ERBB4: variants seen among roughly 807,000 people sequenced by gnomAD.
ERBB4 encodes the protein erb-b2 receptor tyrosine kinase 4, also known as receptor tyrosine-protein kinase erbB-4.
ERBB4 carries 42 observed loss-of-function variants against 158.0 expected under a neutral mutation model. The ratio of observed to expected loss-of-function variants is 0.27; its 90% CI spans 0.21 to 0.34. The LOEUF (loss-of-function observed/expected upper bound fraction) is 0.34, where lower values mean the gene tolerates loss of function less well. Among genes scored for constraint, ERBB4 ranks in the 10% least tolerant of loss-of-function variants. The probability of loss-of-function intolerance (pLI) is 1.00; values close to 1 mark genes in which losing one functional copy is unlikely to be tolerated. For missense variants in ERBB4, 1,333 were observed against 1,624.1 expected (o/e 0.82, Z 3.08); for synonymous variants, 583 against 558.7 (o/e 1.04, Z -0.61).
intron 5 of ERBB4, among the ~76,000 whole-genome samples, chr2:211,739,699 G>C (rs2074725812): frequency 6.6e-6 from 1 of 152,160 alleles, no homozygotes; most frequent in Non-Finnish European, 1.5e-5. Context: ...TCGATCTCTT[G>C]ACCACGTGAT....
intron 1 of ERBB4, among the ~76,000 whole-genome samples, chr2:212,330,016 T>G (rs957218171): frequency 2.0e-5 from 3 of 151,984 alleles, no homozygotes; most frequent in Non-Finnish European, 4.4e-5. Flanking sequence ...CCAGTAACCT[T>G]TTCCAAAAAG....
chr2:211,928,762 A>G (rs2080088421), intron 3 of ERBB4, among the ~76,000 whole-genome samples: 1 of 152,206 alleles, frequency 6.6e-6, no homozygotes, highest in Non-Finnish European at 1.5e-5. Context: ...TACTTGAGTC[A>G]CTTATAGAAA....
At chr2:211,988,908 C>T (rs183205208) in intron 2 of ERBB4, among the ~76,000 whole-genome samples, 220 of 152,110 alleles carry the variant, frequency 1.4e-3, no homozygotes, top group Admixed American at 3.5e-3. Flanking sequence ...TAAAATTGTT[C>T]TGGCTTATTT....
At chr2:211,812,313 C>T (rs1318828879) in intron 3 of ERBB4, among the ~76,000 whole-genome samples, 1 of 152,178 alleles carries the variant, frequency 6.6e-6, no homozygotes, top group African/African-American at 2.4e-5. Flanking sequence ...GCTGGAGGTC[C>T]ACTCCAGACT....
intron 16 of ERBB4, among the ~76,000 whole-genome samples, chr2:211,646,059 C>T (rs1349302668): frequency 6.6e-6 from 1 of 151,390 alleles, no homozygotes; most frequent in East Asian, 1.9e-4. Context: ...GGGGTAATGT[C>T]TGTTGATCTG....
chr2:211,583,403 A>T (rs2068161592), intron 19 of ERBB4, among the ~76,000 whole-genome samples: 1 of 151,954 alleles, frequency 6.6e-6, no homozygotes, highest in Non-Finnish European at 1.5e-5. Context: ...TTAATTGTTC[A>T]AAATACTAGA....
Position 211,861,119 on chromosome 2 carries a change from ATATTT to A in ERBB4, c.422-72965_422-72961del, listed in dbSNP as rs1389678279. Among the ~76,000 whole-genome samples the A allele has an allele frequency of 4.6e-3, 106 of 22,888 alleles. 1 individual carries two copies. Among genetic ancestry groups the A allele is most frequent in the South Asian group, 0.012 (8 of 694 alleles). 15.0% of individuals were successfully genotyped at this position (22,888 alleles called of 152,430 possible). Reference sequence around the variant, plus strand: ...AAATACATTATATATATTTATATATATATTTTATATATATATATATATATATATAT... The same window carrying A: ...AAATACATTATATATATTTATATATATATATATATATATATATATATATAT... On this transcript the variant is annotated intron_variant, in intron 3 of 27. Coordinates refer to ENST00000342788, the MANE Select transcript of ERBB4 (RefSeq NM_005235.3).
intron 20 of ERBB4, among the ~76,000 whole-genome samples, chr2:211,478,318 T>A (rs1431289080): frequency 6.6e-6 from 1 of 152,178 alleles, no homozygotes; most frequent in African/African-American, 2.4e-5. Flanking sequence ...AGCTTCGGGA[T>A]GGTATGAAGA....
intron 2 of ERBB4, among the ~76,000 whole-genome samples, chr2:211,950,283 A>G (rs748661547): frequency 3.9e-5 from 6 of 152,152 alleles, no homozygotes; most frequent in Non-Finnish European, 7.3e-5. Context: ...CTGATGGGAA[A>G]CTGTACAGAT....
intron 3 of ERBB4, among the ~76,000 whole-genome samples, chr2:211,831,735 C>G (rs1486357776): frequency 1.3e-5 from 2 of 151,966 alleles, no homozygotes; most frequent in Non-Finnish European, 2.9e-5. Context: ...AACCCCATAT[C>G]TACTAAAAAT....
chr2:211,630,182 A>G (rs1444839725), intron 17 of ERBB4, among the ~76,000 whole-genome samples: 1 of 152,192 alleles, frequency 6.6e-6, no homozygotes, highest in East Asian at 1.9e-4. Context: ...CTCTATCCAG[A>G]GCTTGCTAAT....
chr2:211,383,422 A>G lies in ERBB4; in HGVS notation c.*193T>C, dbSNP rs959836051. 2 of 597,638 alleles carry G rather than the reference A, an allele frequency of 3.3e-6. No homozygotes were observed. Among genetic ancestry groups the G allele is most frequent in the South Asian group, 2.0e-5 (1 of 50,876 alleles). The allele number at this position is 597,638 out of a possible 1,614,324, so 37.0% of individuals were successfully genotyped here. On this transcript the variant is annotated 3_prime_UTR_variant, in exon 28 of 28. Coordinates refer to ENST00000342788, the MANE Select transcript of ERBB4 (RefSeq NM_005235.3). ...ATGAAGAAACATTGTGGTTCCTCCT[A>G]TCTTTCTCTTTCAGTCTTTCCCTCT... is the stretch of plus-strand genomic sequence containing the variant.
chr2:212,446,781 A>G (rs1270617538), intron 1 of ERBB4, among the ~76,000 whole-genome samples: 1 of 149,924 alleles, frequency 6.7e-6, no homozygotes, highest in Non-Finnish European at 1.5e-5. Flanking sequence ...AAATCTGGTA[A>G]TTTTACCAAT....
chr2:211,791,149 C>T (rs1300431040), intron 3 of ERBB4, among the ~76,000 whole-genome samples: 1 of 151,828 alleles, frequency 6.6e-6, no homozygotes, highest in African/African-American at 2.4e-5. Flanking sequence ...AAATTATTTA[C>T]TTGTTAGAAG....
intron 7 of ERBB4, among the ~76,000 whole-genome samples, chr2:211,721,479 A>AAT (rs2074091996): frequency 3.6e-5 from 5 of 137,420 alleles, no homozygotes; most frequent in South Asian, 2.3e-4. Context: ...AGTCAAGTAA[A>AAT]TATCAATATA....
chr2:211,387,096 G>T lies in ERBB4; in HGVS notation c.3238C>A (p.Pro1080Thr), dbSNP rs2062701426. The change falls in exon 27 of 28, where the codon CCC becomes ACC. Residue 1080 changes from proline to threonine, a missense_variant. By Grantham distance (38) the Pro-to-Thr change is conservative. Transcript: ENST00000342788. ...ATTGTGCTAGTTGGGGCTCTGTAGG[G>T]CACAGACACTCCTTGTTCAGCAGCA... ...GFAAEQGVSV[P>T]YRAPTSTIPE... is the part of the protein sequence containing the mutation. The T allele has an allele frequency of 6.2e-7, 1 of 1,613,834 alleles. No homozygotes were observed. The highest frequency in any genetic ancestry group is 8.5e-7 in the Non-Finnish European group (1 of 1,179,772).
intron 2 of ERBB4, among the ~76,000 whole-genome samples, chr2:211,992,548 A>G (rs78203945): frequency 1.4e-5 from 1 of 71,326 alleles, no homozygotes; most frequent in Non-Finnish European, 5.0e-5. Flanking sequence ...AGACAGTGAG[A>G]GAGAGAGAGA....
chr2:211,605,814 A>T (rs2125822680), intron 19 of ERBB4, among the ~76,000 whole-genome samples: 1 of 152,234 alleles, frequency 6.6e-6, no homozygotes, highest in Non-Finnish European at 1.5e-5. Flanking sequence ...TAAACAACCT[A>T]GGAGCAGTTA....
chr2:212,439,683 G>A (rs2092212773), intron 1 of ERBB4, among the ~76,000 whole-genome samples: 1 of 152,074 alleles, frequency 6.6e-6, no homozygotes, highest in South Asian at 2.1e-4. Flanking sequence ...TTCTGGTGGG[G>A]TTAGGATAAG....
Sources: allele counts gnomAD v4.1 joint callset (sites outside exome capture counted in the v4.1 genomes callset), GRCh38; gene constraint gnomAD v4.1.1; transcripts MANE v1.5; gene names NCBI Gene and HGNC (gene_info 2026-07-23, HGNC 2026-07-21).